SAMD3: variants seen among roughly 807,000 people sequenced by gnomAD.
SAMD3 encodes sterile alpha motif domain containing 3.
Under a neutral mutation model 58.5 loss-of-function variants are expected in SAMD3, and 63 were observed. That is an observed-to-expected ratio of 1.08 (90% CI 0.88 to 1.33). SAMD3 has a LOEUF of 1.33. Ranked by LOEUF, SAMD3 falls within the 40% of genes most tolerant of loss-of-function variation. The pLI, the probability that SAMD3 is intolerant of heterozygous loss-of-function variation, is 0.00. For missense variants in SAMD3, 604 were observed against 608.4 expected (o/e 0.99, Z 0.08); for synonymous variants, 220 against 210.3 (o/e 1.05, Z -0.40).
chr6:130,274,975 T>C (rs1365172284), intron 2 of SAMD3, among the ~76,000 whole-genome samples: 1 of 152,202 alleles, frequency 6.6e-6, no homozygotes, highest in African/African-American at 2.4e-5. Context: ...ACTCAAAATA[T>C]AGTCTGCTGA....
chr6:130,171,674 T>A (rs1031451567), intron 8 of SAMD3, among the ~76,000 whole-genome samples: 5 of 152,226 alleles, frequency 3.3e-5, no homozygotes, highest in Non-Finnish European at 5.9e-5. Context: ...CTGAGAAGAA[T>A]CTATGTTCTG....
intron 2 of SAMD3, among the ~76,000 whole-genome samples, chr6:130,266,333 G>A (rs1435475537): frequency 1.3e-5 from 2 of 152,134 alleles, no homozygotes; most frequent in Non-Finnish European, 2.9e-5. Context: ...ACTGTAATAG[G>A]AGATCAATGG....
intron 1 of SAMD3, among the ~76,000 whole-genome samples, chr6:130,361,113 C>T (rs549275126): frequency 2.0e-5 from 3 of 152,172 alleles, no homozygotes; most frequent in South Asian, 2.1e-4. Context: ...TCCTCCTCAG[C>T]TTACGAGATG....
At chr6:130,308,413 C>CTATT (rs1776016440) in intron 2 of SAMD3, among the ~76,000 whole-genome samples, 3 of 140,190 alleles carry the variant, frequency 2.1e-5, no homozygotes, top group Admixed American at 7.2e-5. Flanking sequence ...CTATTCTATT[C>CTATT]TATTCTATTC....
At chr6:130,352,006 T>C (rs910486517) in intron 1 of SAMD3, among the ~76,000 whole-genome samples, 8 of 138,454 alleles carry the variant, frequency 5.8e-5, no homozygotes, top group Admixed American at 3.4e-4. Flanking sequence ...AGGTGGGAAT[T>C]GAACAATGAG....
chr6:130,155,100 C>T (rs372421390), intron 8 of SAMD3, 75 bp from the exon 9 acceptor site: 6 of 1,132,584 alleles, frequency 5.3e-6, no homozygotes, highest in Non-Finnish European at 5.2e-6. Flanking sequence ...TTATTGCACA[C>T]TCTTAACTCA....
chr6:130,174,241 G>C (rs1582793350), intron 8 of SAMD3, among the ~76,000 whole-genome samples: 1 of 152,196 alleles, frequency 6.6e-6, no homozygotes, highest in South Asian at 2.1e-4. Context: ...TAGTCCTGCA[G>C]CTAGCTCAGT....
At chr6:130,162,293 A>T in intron 8 of SAMD3, 1 of 701,676 alleles carries the variant, frequency 1.4e-6, no homozygotes, top group South Asian at 1.5e-5. Context: ...AGAAATAAGG[A>T]GGAGAATATT....
intron 2 of SAMD3, among the ~76,000 whole-genome samples, chr6:130,305,258 A>G (rs893566343): frequency 3.3e-5 from 5 of 152,138 alleles, no homozygotes; most frequent in Non-Finnish European, 7.4e-5. Context: ...ATTTATTTAC[A>G]TTGGTTTTAT....
intron 1 of SAMD3, among the ~76,000 whole-genome samples, chr6:130,347,590 T>C (rs914084060): frequency 3.3e-5 from 5 of 152,078 alleles, no homozygotes; most frequent in Non-Finnish European, 5.9e-5. Context: ...AAAGACCAAA[T>C]CTACGTCTGA....
At chr6:130,143,984 A>C (rs2114531396), downstream of SAMD3, 1 of 153,316 alleles carries the variant, frequency 6.5e-6, no homozygotes, top group Middle Eastern at 3.3e-3. Flanking sequence ...AGACCTCAAA[A>C]ATGCCGCAGC....
rs199711503 is a variant in SAMD3, at chr6:130,184,545, A to G, written c.462T>C (p.Tyr154=). Residue 154 remains tyrosine, a synonymous_variant, in exon 6 of 12, where the codon TAT becomes TAC. Coordinates refer to ENST00000439090, the MANE Select transcript of SAMD3 (RefSeq NM_001017373.4). ...TKSYVLPEFP[Y]DVKCMLAEQK... is the part of the protein sequence containing the mutation. ...GCTCTGCTAACATGCATTTGACATC[A>G]TAGGGAAACTCTGGTAAAACATAGG... 2.2e-4 allele frequency: 349 copies of G among 1,614,156 alleles called. 1 individual carries two copies. The highest frequency in any genetic ancestry group is 2.4e-4 in the Non-Finnish European group (287 of 1,179,972).
At chr6:130,215,848 T>C in intron 2 of SAMD3, 1 of 1,534,754 alleles carries the variant, frequency 6.5e-7, no homozygotes. Flanking sequence ...TGCTTCTCAT[T>C]GTTTTCCGTT....
intron 2 of SAMD3, among the ~76,000 whole-genome samples, chr6:130,281,916 TG>T (rs1774995173): frequency 6.6e-6 from 1 of 152,032 alleles, no homozygotes; most frequent in Non-Finnish European, 1.5e-5. Flanking sequence ...GTTAAGCTTA[TG>T]CGCCAGTGGA....
rs543409945 is a variant in SAMD3, at chr6:130,295,174, C to T, written c.-188+17804G>A. Among the ~76,000 whole-genome samples, 23 of 152,258 alleles carry T rather than the reference C, an allele frequency of 1.5e-4. No individual in the cohort carries two copies. In the East Asian group the frequency reaches 3.9e-3, roughly 26 times the overall value. On this transcript the variant is annotated intron_variant, in intron 2 of 13. Coordinates refer to the SAMD3 transcript ENST00000368134. The stretch of plus-strand genomic sequence containing the variant: ...CCGACCTCAGGTGAACCATCCACCT[C>T]GGCCTCCCAAAGTGCTGGGATTATA...
intron 2 of SAMD3, among the ~76,000 whole-genome samples, chr6:130,273,655 C>G (rs993672103): frequency 1.1e-4 from 16 of 147,086 alleles, no homozygotes; most frequent in Non-Finnish European, 2.1e-4. Context: ...TTTTTTGTAT[C>G]TTCTGTATGT....
intron 9 of SAMD3, among the ~76,000 whole-genome samples, chr6:130,149,919 C>G (rs946539603): frequency 2.6e-5 from 4 of 152,140 alleles, no homozygotes; most frequent in African/African-American, 9.7e-5. Context: ...TTATGTCCTA[C>G]AAATTAATCA....
At position 130,154,925 on chromosome 6, in the gene SAMD3, C is replaced by G; in HGVS notation, c.923G>C (p.Arg308Thr). ...TCTTATTTCCAAAGTTTGGCTCATT[C>G]TCTTGTCAATTTCTCTCCAGTCCTT... ...TEKDWREIDK[R>T]MSQTLEIRRK... Residue 308 changes from arginine (R) to threonine (T), a missense_variant, in exon 9 of 12, where the codon AGA (arginine) becomes ACA (threonine). Physicochemically the swap from Arg to Thr is moderately conservative, Grantham distance 71. Coordinates refer to ENST00000439090, the MANE Select transcript of SAMD3 (RefSeq NM_001017373.4). 1 of 1,613,464 alleles carries G rather than the reference C, an allele frequency of 6.2e-7. No homozygotes were observed.
intron 2 of SAMD3, among the ~76,000 whole-genome samples, chr6:130,280,067 A>G (rs73612015): frequency 6.2e-4 from 94 of 152,142 alleles, no homozygotes; most frequent in African/African-American, 2.1e-3. Flanking sequence ...GCTTTAGGCT[A>G]TTTTTCCATT....
Sources: gnomAD v4.1 joint callset for allele counts (sites outside exome capture counted in the v4.1 genomes callset) on GRCh38, gnomAD v4.1.1 for gene constraint, MANE v1.5 for transcripts, NCBI Gene and HGNC (gene_info 2026-07-23, HGNC 2026-07-21) for gene names.